ZNF496: variants seen among roughly 807,000 people sequenced by gnomAD.
The protein encoded by ZNF496 is zinc finger protein 496.
ZNF496 carries 11 observed loss-of-function variants against 58.9 expected under a neutral mutation model. The ratio of observed to expected loss-of-function variants is 0.19; its 90% CI spans 0.12 to 0.31. ZNF496 has a LOEUF of 0.31. ZNF496 is among the 10% of genes least tolerant of loss of function. The pLI, the probability that ZNF496 is intolerant of heterozygous loss-of-function variation, is 1.00. For missense variants in ZNF496, 660 were observed against 783.0 expected, an observed-to-expected ratio of 0.84 and a Z score of 1.88; for synonymous variants, 338 against 318.2, an observed-to-expected ratio of 1.06 and a Z score of -0.66.
rs1659156009 is a variant in ZNF496, at chr1:247,298,933, G to A, written c.*1586C>T. Reference sequence around the variant, plus strand: ...CCAGCCCCCATCAGAAGGCAGGGAGGAAGGGGAATTTGTCAGCGTTTACGG... The same window carrying A: ...CCAGCCCCCATCAGAAGGCAGGGAGAAAGGGGAATTTGTCAGCGTTTACGG... On this transcript the variant is annotated 3_prime_UTR_variant, in exon 10 of 10. Coordinates refer to ENST00000682384, the MANE Select transcript of ZNF496 (RefSeq NM_032752.3). 6.6e-6 allele frequency: 1 copy of A among 152,224 alleles called. No individual in the cohort carries two copies. Among genetic ancestry groups the A allele is most frequent in the Non-Finnish European group, 1.5e-5 (1 of 68,062 alleles). The allele number at this position is 152,224 out of a possible 1,614,324, so 9.4% of individuals were successfully genotyped here.
rs1486681864 is a variant in ZNF496 at position 247,308,936 on chromosome 1, T to C, written c.893-348A>G. 6.8e-6 allele frequency: 2 copies of C among 294,334 alleles called. No homozygotes were observed. Among genetic ancestry groups the C allele is most frequent in the East Asian group, 1.8e-4 (2 of 11,134 alleles). 18.2% of individuals were successfully genotyped at this position (294,334 alleles called of 1,614,324 possible). On this transcript the variant is annotated intron_variant, in intron 8 of 9. Transcript: ENST00000682384. This position sits in a 1 kb window ranked among gnomAD's most constrained non-coding sequence, Gnocchi z 4.5. ...GTCATCACCACAGGCTCCTGCACAC[T>C]CCGCACATCCTGCACAAACAGCTTG...
chr1:247,320,657 A>G (rs897706167), intron 6 of ZNF496, among the ~76,000 whole-genome samples: 11 of 152,250 alleles, frequency 7.2e-5, no homozygotes, highest in Non-Finnish European at 1.3e-4. Flanking sequence ...AAAAGTTCAC[A>G]GGATCTCTCT....
chr1:247,309,454 A>C lies in ZNF496; in HGVS notation c.892+245T>G. 1 of 1,359,722 alleles carries C rather than the reference A, an allele frequency of 7.4e-7. No homozygotes were observed. Among genetic ancestry groups the C allele is most frequent in the East Asian group, 2.9e-5 (1 of 34,940 alleles). The allele number at this position is 1,359,722 out of a possible 1,614,324, so 84.2% of individuals were successfully genotyped here. A position where few individuals can be genotyped will look rare whatever the true frequency, so the allele number is the denominator to read the frequency against. On this transcript the variant is annotated intron_variant, in intron 8 of 9. Coordinates refer to ENST00000682384, the MANE Select transcript of ZNF496 (RefSeq NM_032752.3). This position sits in a 1 kb window ranked among gnomAD's most constrained non-coding sequence, Gnocchi z 4.3. ...TGTTACTTACAGGCAGAGGAGAAAG[A>C]CATTCCTATTATTTCCCAGTCCTTG...
intron 5 of ZNF496, among the ~76,000 whole-genome samples, chr1:247,323,875 G>A (rs1173792950): frequency 6.6e-6 from 1 of 151,994 alleles, no homozygotes; most frequent in African/African-American, 2.4e-5. Context: ...AGCTCTTTGG[G>A]AAGCCAAAGT....
chr1:247,309,647 C>A lies in ZNF496; in HGVS notation c.892+52G>T. 6.2e-7 allele frequency: 1 copy of A among 1,605,370 alleles called. No homozygotes were observed. On this transcript the variant is annotated intron_variant, in intron 8 of 9. Coordinates refer to ENST00000682384, the MANE Select transcript of ZNF496 (RefSeq NM_032752.3). This position sits in a 1 kb window ranked among gnomAD's most constrained non-coding sequence, Gnocchi z 4.3. Reference sequence around the variant, plus strand: ...CAGAGAGTGGGCTCACCTCCGGCTGCCAGCAACCCTTCCCCCTACTCTGTC... The same window carrying A: ...CAGAGAGTGGGCTCACCTCCGGCTGACAGCAACCCTTCCCCCTACTCTGTC...
At position 247,298,099 on chromosome 1, in the gene ZNF496, C is replaced by G. The variant is rs892791902; in HGVS notation, c.*2420G>C. On this transcript the variant is annotated 3_prime_UTR_variant, in exon 10 of 10. Coordinates refer to ENST00000682384, the MANE Select transcript of ZNF496 (RefSeq NM_032752.3). ...ACGTGTACAGAGAGCCTGGCTTCTA[C>G]TTGGAATTTTCCCCTCCCTTGGCCT... 1.3e-5 allele frequency: 2 copies of G among 152,162 alleles called. No homozygotes were observed. The highest frequency in any genetic ancestry group is 4.8e-5 in the African/African-American group (2 of 41,438). 9.4% of individuals were successfully genotyped at this position (152,162 alleles called of 1,614,324 possible).
rs1659132234 is a variant in ZNF496 at position 247,297,940 on chromosome 1, C to T, written c.*2579G>A. ...CATGATGTGGTTTTACACAGAAAAA[C>T]ACTCTGGTAAGTAGAACAGTGTTCT... On this transcript the variant is annotated 3_prime_UTR_variant, in exon 10 of 10. Coordinates refer to ENST00000682384, the MANE Select transcript of ZNF496 (RefSeq NM_032752.3). The T allele has an allele frequency of 6.6e-6, 1 of 152,220 alleles. No homozygotes were observed. 9.4% of individuals were successfully genotyped at this position (152,220 alleles called of 1,614,324 possible). A position where few individuals can be genotyped will look rare whatever the true frequency, so the allele number is the denominator to read the frequency against.
chr1:247,307,453 A>G, intron 9 of ZNF496: 1 of 985,424 alleles, frequency 1.0e-6, no homozygotes, highest in Non-Finnish European at 1.2e-6. Flanking sequence ...TATGGGCAGA[A>G]AGAAGCTAGA....
At chr1:247,311,905 C>G (rs1393291386) in intron 6 of ZNF496, 1 of 152,328 alleles carries the variant, frequency 6.6e-6, no homozygotes, top group Non-Finnish European at 1.5e-5. Flanking sequence ...GCGGGGCTCT[C>G]TGCTGTGGTC....
In ZNF496 at chr1:247,322,816, A is replaced by G. The variant is rs527734486; in HGVS notation, c.651+338T>C. The G allele has an allele frequency of 6.9e-6, 9 of 1,308,566 alleles. No homozygotes were observed. The African/African-American group carries it at 1.0e-4, about 15-fold the overall frequency. The allele number at this position is 1,308,566 out of a possible 1,614,324, so 81.1% of individuals were successfully genotyped here. ...AAATTGAAAAATTCTCTGTAAAATA[A>G]AAGAGCAGAGAGATCTCCTTTTTCA... On this transcript the variant is annotated intron_variant, in intron 6 of 9. Transcript: ENST00000682384.
At position 247,300,168 on chromosome 1, in the gene ZNF496, A is replaced by AC. The variant is rs2103014016; in HGVS notation, c.*350dup. The stretch of plus-strand genomic sequence containing the variant: ...GGAGTATACTGAGGTTTGGCTGGTG[A>AC]CCAGGGTGCCGCCCTGACGGGGGAT... On this transcript the variant is annotated 3_prime_UTR_variant, in exon 10 of 10. Transcript: ENST00000682384. This position sits in a 1 kb window ranked among gnomAD's most constrained non-coding sequence, Gnocchi z 5.7. The AC allele has an allele frequency of 5.2e-6, 1 of 192,764 alleles. No homozygotes were observed. The highest frequency in any genetic ancestry group is 2.3e-5 in the African/African-American group (1 of 43,250). 11.9% of individuals were successfully genotyped at this position (192,764 alleles called of 1,614,324 possible).
intron 9 of ZNF496, among the ~76,000 whole-genome samples, chr1:247,302,637 G>C (rs901910330): frequency 1.3e-5 from 2 of 150,880 alleles, no homozygotes; most frequent in Non-Finnish European, 3.0e-5. Context: ...CACTGCGCCC[G>C]CCGAGAGGCT....
intron 9 of ZNF496, among the ~76,000 whole-genome samples, chr1:247,306,438 C>A (rs1238701956): frequency 6.6e-6 from 1 of 151,360 alleles, no homozygotes; most frequent in Non-Finnish European, 1.5e-5. Context: ...CCTCAGCGAT[C>A]TGCCTGCCTC....
chr1:247,328,329 T>G (rs2103034107), intron 5 of ZNF496, among the ~76,000 whole-genome samples: 2 of 152,250 alleles, frequency 1.3e-5, no homozygotes, highest in Middle Eastern at 6.8e-3. Context: ...CATGCTCCAG[T>G]CATGCAGCAG....
Position 247,308,127 on chromosome 1 carries a change from G to A in ZNF496, c.1006+348C>T. On this transcript the variant is annotated intron_variant, in intron 9 of 9. Transcript: ENST00000682384. The surrounding 1 kb of genome is among the most constrained non-coding windows in gnomAD (Gnocchi z 4.5). ...CCCCTGGGAAAGGCAAGGAGGGTGA[G>A]CCTGGGATTGGGAGTGAGCTGGAGA... 1 of 631,034 alleles carries A rather than the reference G, an allele frequency of 1.6e-6. No individual in the cohort carries two copies. Among genetic ancestry groups the A allele is most frequent in the Non-Finnish European group, 2.0e-6 (1 of 505,998 alleles). 39.1% of individuals were successfully genotyped at this position (631,034 alleles called of 1,614,324 possible).
chr1:247,331,823 G>A lies in ZNF496; in HGVS notation c.-403C>T, dbSNP rs1660340493. ...CGCGTCCCTGTTGGCGGGCGGCGCA[G>A]GCCTGGCCGCCGCGGGAGCCCGCCG... is the stretch of plus-strand genomic sequence containing the variant. On this transcript the variant is annotated 5_prime_UTR_variant, in exon 1 of 10. Transcript: ENST00000682384. 6.7e-6 allele frequency: 1 copy of A among 148,852 alleles called. No homozygotes were observed. The highest frequency in any genetic ancestry group is 2.1e-4 in the South Asian group (1 of 4,820). The allele number at this position is 148,852 out of a possible 1,614,324, so 9.2% of individuals were successfully genotyped here.
intron 2 of ZNF496, among the ~76,000 whole-genome samples, 158 bp downstream of exon 2, chr1:247,331,274 G>A (rs1033153998): frequency 1.3e-5 from 2 of 152,242 alleles, no homozygotes; most frequent in African/African-American, 4.8e-5. Flanking sequence ...CGCAGGGGCG[G>A]AGCGAGCTCC....
intron 6 of ZNF496, chr1:247,312,755 A>C (rs1374479785): frequency 1.3e-5 from 2 of 151,368 alleles, no homozygotes; most frequent in African/African-American, 4.9e-5. Flanking sequence ...AAAAAGAAAA[A>C]GAAAAAGAAA....
At chr1:247,323,308 G>T (rs561414146) in intron 5 of ZNF496, 78 bp from the exon 6 acceptor site, 2 of 1,038,746 alleles carry the variant, frequency 1.9e-6, no homozygotes, top group East Asian at 4.9e-5. Flanking sequence ...GCTTCCTGCG[G>T]CTCTTCATTT....
Sources: allele counts gnomAD v4.1 joint callset (sites outside exome capture counted in the v4.1 genomes callset), GRCh38; gene constraint gnomAD v4.1.1; non-coding constraint Gnocchi (gnomAD v3.1); transcripts MANE v1.5; gene names NCBI Gene and HGNC (gene_info 2026-07-23, HGNC 2026-07-21).